The following PPP1R9A variants were observed in gnomAD, a reference collection of about 807,000 sequenced individuals.
PPP1R9A encodes neurabin-1.
PPP1R9A carries 59 observed loss-of-function variants against 141.9 expected under a neutral mutation model. That is an observed-to-expected ratio of 0.42 (90% CI 0.34 to 0.52). The LOEUF (loss-of-function observed/expected upper bound fraction) is 0.52. PPP1R9A is among the 20% of genes least tolerant of loss of function. The probability of loss-of-function intolerance (pLI) is 0.10; values close to 1 mark genes in which losing one functional copy is unlikely to be tolerated. For synonymous variants in PPP1R9A, 500 were observed against 569.7 expected (o/e 0.88, Z 1.74); for missense variants, 1,444 against 1,611.9 (o/e 0.90, Z 1.78).
chr7:95,221,436 C>T (rs1794445123), intron 7 of PPP1R9A, among the ~76,000 whole-genome samples: 1 of 152,066 alleles, frequency 6.6e-6, no homozygotes, highest in African/African-American at 2.4e-5. Context: ...CAGATACTCT[C>T]TGTTCCTTCT....
chr7:95,037,479 A>G (rs984010455), intron 2 of PPP1R9A, among the ~76,000 whole-genome samples: 2 of 152,182 alleles, frequency 1.3e-5, no homozygotes, highest in Admixed American at 6.5e-5. Context: ...AAGTGATTTC[A>G]TATCTATTTT....
rs1206060648 is a variant in PPP1R9A at position 95,082,762 on chromosome 7, A to ATTTC, written c.1396-28493_1396-28490dup. On this transcript the variant is annotated intron_variant, in intron 2 of 19. Coordinates refer to ENST00000433360, the MANE Select transcript of PPP1R9A (RefSeq NM_001166160.2). Reference sequence around the variant, plus strand: ...AGAAAAAAAGTGTAGGGTGGAAGGGATTTCTTTTTTTTTTTTTTTTTTTTT... The same window carrying ATTTC: ...AGAAAAAAAGTGTAGGGTGGAAGGGATTTCTTTCTTTTTTTTTTTTTTTTTTTTT... Among the ~76,000 whole-genome samples, 5 of 95,864 alleles carry ATTTC rather than the reference A, an allele frequency of 5.2e-5. 1 individual carries two copies. The highest frequency in any genetic ancestry group is 6.7e-5 in the Non-Finnish European group (3 of 44,844). The allele number at this position is 95,864 out of a possible 152,430, so 62.9% of individuals were successfully genotyped here.
At chr7:95,181,390 G>T (rs1451536316) in intron 5 of PPP1R9A, among the ~76,000 whole-genome samples, 21 of 134,320 alleles carry the variant, frequency 1.6e-4, no homozygotes, top group African/African-American at 5.9e-4. Flanking sequence ...AGAGAATAGA[G>T]AGAATATATA....
chr7:95,267,805 A>G (rs1241834977), intron 12 of PPP1R9A, among the ~76,000 whole-genome samples: 6 of 152,196 alleles, frequency 3.9e-5, no homozygotes, highest in Non-Finnish European at 8.8e-5. Flanking sequence ...AATAACTTGT[A>G]ATACAAAGTT....
At chr7:95,277,383 G>T (rs1436475513) in intron 16 of PPP1R9A, among the ~76,000 whole-genome samples, 3 of 152,112 alleles carry the variant, frequency 2.0e-5, no homozygotes, top group African/African-American at 7.2e-5. Context: ...AATATGACTT[G>T]GTTCCATCCC....
intron 4 of PPP1R9A, among the ~76,000 whole-genome samples, chr7:95,145,053 AACTGTAATAC>A (rs1445911975): frequency 6.6e-6 from 1 of 152,232 alleles, no homozygotes; most frequent in Non-Finnish European, 1.5e-5. Flanking sequence ...GCACACTGAA[AACTGTAATAC>A]ATTGGTGAAA....
chr7:95,221,629 T>C (rs1249111443), intron 7 of PPP1R9A, among the ~76,000 whole-genome samples: 1 of 152,056 alleles, frequency 6.6e-6, no homozygotes, highest in Non-Finnish European at 1.5e-5. Flanking sequence ...GTAAATGAAG[T>C]TGTTGTATCT....
At chr7:95,190,940 A>C (rs17166696) in intron 5 of PPP1R9A, among the ~76,000 whole-genome samples, 8,762 of 152,248 alleles carry the variant, frequency 0.058, 559 homozygotes, top group East Asian at 0.36. Context: ...AGAGTTTTTA[A>C]ATTTCAGCAT....
intron 5 of PPP1R9A, 43 bp downstream of exon 5, chr7:95,162,014 T>G (rs1269858085): frequency 2.4e-6 from 3 of 1,268,278 alleles, no homozygotes; most frequent in Non-Finnish European, 3.3e-6. Flanking sequence ...GTTACTTTAG[T>G]TGAATTTTAA....
chr7:94,968,306 G>A (rs1374977655), intron 2 of PPP1R9A, among the ~76,000 whole-genome samples: 3 of 151,250 alleles, frequency 2.0e-5, no homozygotes, highest in African/African-American at 7.3e-5. Flanking sequence ...CCAAGTAGCT[G>A]GGACTACAGG....
intron 6 of PPP1R9A, 108 bp from the exon 7 acceptor site, chr7:95,203,557 G>T: frequency 1.3e-6 from 1 of 743,892 alleles, no homozygotes; most frequent in Non-Finnish European, 2.1e-6. Context: ...GTACTTAACA[G>T]TGTGTATTAC....
chr7:94,937,422 A>G (rs1794889830), intron 2 of PPP1R9A, among the ~76,000 whole-genome samples: 1 of 152,302 alleles, frequency 6.6e-6, no homozygotes, highest in Non-Finnish European at 1.5e-5. Flanking sequence ...GAAACTTGAA[A>G]ATCAATATCC....
chr7:94,928,178 C>A (rs912493738), intron 2 of PPP1R9A, among the ~76,000 whole-genome samples: 2 of 151,988 alleles, frequency 1.3e-5, no homozygotes, highest in Non-Finnish European at 2.9e-5. Context: ...GTGAAAAATC[C>A]TAAGCTGAGG....
intron 2 of PPP1R9A, among the ~76,000 whole-genome samples, chr7:95,092,731 A>C (rs888919437): frequency 6.6e-6 from 1 of 152,210 alleles, no homozygotes; most frequent in African/African-American, 2.4e-5. Flanking sequence ...AGCATTAACA[A>C]ATGAAATGCG....
intron 2 of PPP1R9A, among the ~76,000 whole-genome samples, chr7:94,926,127 C>A (rs1363332723): frequency 2.0e-5 from 3 of 152,144 alleles, no homozygotes; most frequent in Non-Finnish European, 4.4e-5. Context: ...GCTGGGCTAA[C>A]ATTTTTATAT....
At chr7:95,231,514 G>C (rs2152965179) in intron 8 of PPP1R9A, among the ~76,000 whole-genome samples, 1 of 152,168 alleles carries the variant, frequency 6.6e-6, no homozygotes, top group Admixed American at 6.5e-5. Flanking sequence ...ACAAGTCTCA[G>C]TAAATTTAAG....
rs1401722994 is a variant in PPP1R9A, at chr7:95,252,103, A to T, written c.2638A>T (p.Thr880Ser). 1 of 1,601,318 alleles carries T rather than the reference A, an allele frequency of 6.2e-7. No individual in the cohort carries two copies. Among genetic ancestry groups the T allele is most frequent in the Non-Finnish European group, 8.5e-7 (1 of 1,176,542 alleles). Residue 880 changes from threonine to serine, a missense_variant, in exon 12 of 20, where the codon ACA becomes TCA. Physicochemically the swap from Thr to Ser is moderately conservative, Grantham distance 58 (BLOSUM62 1). Coordinates refer to ENST00000433360, the MANE Select transcript of PPP1R9A (RefSeq NM_001166160.2). ...CATGGAGAACTTGGATGGCAAGCAG[A>T]CATCTTGCCAAGATGGCCTAAGTCA... ...DTMENLDGKQ[T>S]SCQDGLSQDL...
chr7:95,267,791 TA>T (rs1945680710), intron 12 of PPP1R9A, among the ~76,000 whole-genome samples: 1 of 151,982 alleles, frequency 6.6e-6, no homozygotes, highest in Non-Finnish European at 1.5e-5. Flanking sequence ...CAGAGGCACA[TA>T]CAAATAACTT....
chr7:94,965,535 T>C (rs1481638232), intron 2 of PPP1R9A, among the ~76,000 whole-genome samples: 4 of 152,188 alleles, frequency 2.6e-5, no homozygotes, highest in Non-Finnish European at 5.9e-5. Context: ...GTTTTCTGCT[T>C]ATGGCTAGCC....
Sources: gnomAD v4.1 joint callset for allele counts (sites outside exome capture counted in the v4.1 genomes callset) on GRCh38, gnomAD v4.1.1 for gene constraint, MANE v1.5 for transcripts, NCBI Gene and HGNC (gene_info 2026-07-23, HGNC 2026-07-21) for gene names.